IL1RAPL2: variants seen among roughly 807,000 people sequenced by gnomAD.
IL1RAPL2 encodes the protein interleukin 1 receptor accessory protein like 2, also known as X-linked interleukin-1 receptor accessory protein-like 2.
Under a neutral mutation model 44.1 loss-of-function variants are expected in IL1RAPL2, and 3 were observed. The observed-to-expected ratio is 0.07, with a 90% CI of 0.03 to 0.18. The LOEUF (loss-of-function observed/expected upper bound fraction) is 0.18, where lower values mean the gene tolerates loss of function less well. Among genes scored for constraint, IL1RAPL2 ranks in the 10% least tolerant of loss-of-function variants. The pLI is 1.00. For synonymous variants in IL1RAPL2, 181 were observed against 178.8 expected, an observed-to-expected ratio of 1.01 and a Z score of -0.10; for missense variants, 391 against 496.4, an observed-to-expected ratio of 0.79 and a Z score of 2.02.
chrX:105,638,357 A>C (rs2037540028), intron 6 of IL1RAPL2, among the ~76,000 whole-genome samples: 1 of 110,876 alleles, frequency 9.0e-6, no homozygotes, highest in South Asian at 3.8e-4. Flanking sequence ...CATGATTATT[A>C]AAGACAATTT....
At chrX:105,191,298 C>A (rs781826865) in intron 2 of IL1RAPL2, among the ~76,000 whole-genome samples, 17 of 112,622 alleles carry the variant, frequency 1.5e-4, no homozygotes, top group Non-Finnish European at 3.2e-4. Flanking sequence ...TTGCTGCAAC[C>A]TCCGCCTCCC....
At chrX:105,096,699 T>A in intron 2 of IL1RAPL2, among the ~76,000 whole-genome samples, 1 of 111,199 alleles carries the variant, frequency 9.0e-6, no homozygotes, top group Middle Eastern at 4.7e-3. Flanking sequence ...AAAGGGGAAA[T>A]GGGCTGCGAC....
At chrX:105,016,583 T>G (rs2031181662) in intron 2 of IL1RAPL2, among the ~76,000 whole-genome samples, 1 of 112,013 alleles carries the variant, frequency 8.9e-6, no homozygotes, top group African/African-American at 3.2e-5. Context: ...ATATATTTTT[T>G]GTCTTTGGTT....
chrX:104,671,196 G>C (rs554848480), intron 2 of IL1RAPL2, among the ~76,000 whole-genome samples: 3 of 109,042 alleles, frequency 2.8e-5, no homozygotes, highest in Non-Finnish European at 5.7e-5. Flanking sequence ...ACACACACAC[G>C]CACACACACA....
chrX:104,764,073 A>AT (rs930071355), intron 2 of IL1RAPL2, among the ~76,000 whole-genome samples: 15 of 109,410 alleles, frequency 1.4e-4, no homozygotes, highest in South Asian at 7.8e-4. Flanking sequence ...AAATTTTAGG[A>AT]TTTTTTTTTC....
At chrX:105,044,795 A>C (rs1360745473) in intron 2 of IL1RAPL2, among the ~76,000 whole-genome samples, 2 of 111,370 alleles carry the variant, frequency 1.8e-5, no homozygotes, top group Non-Finnish European at 3.8e-5. Flanking sequence ...GGGGAGGCTT[A>C]ACTACTCAGG....
chrX:104,787,002 G>T (rs1356236389), intron 2 of IL1RAPL2, among the ~76,000 whole-genome samples: 1 of 86,046 alleles, frequency 1.2e-5, no homozygotes, highest in Non-Finnish European at 2.2e-5. Flanking sequence ...ATGTTGGATA[G>T]GTCCTTCTCC....
intron 5 of IL1RAPL2, among the ~76,000 whole-genome samples, chrX:105,451,762 G>A (rs1251393960): frequency 1.8e-5 from 2 of 111,826 alleles, no homozygotes; most frequent in Non-Finnish European, 3.8e-5. Flanking sequence ...CATACATATT[G>A]TTTGCAGGTA....
At chrX:105,414,466 C>T (rs1250782627) in intron 5 of IL1RAPL2, among the ~76,000 whole-genome samples, 1 of 111,795 alleles carries the variant, frequency 8.9e-6, no homozygotes, top group Non-Finnish European at 1.9e-5. Context: ...AATGTCTTCC[C>T]ACTATACATG....
chrX:104,946,493 C>T (rs1227147006), intron 2 of IL1RAPL2, among the ~76,000 whole-genome samples: 1 of 97,615 alleles, frequency 1.0e-5, no homozygotes, highest in Non-Finnish European at 2.0e-5. Context: ...TATACATATG[C>T]CATGCTGGTG....
chrX:105,200,920 C>T (rs2033712111), intron 3 of IL1RAPL2, among the ~76,000 whole-genome samples: 1 of 107,647 alleles, frequency 9.3e-6, no homozygotes, highest in African/African-American at 3.6e-5. Context: ...CACACCCACA[C>T]ACACACACAC....
At chrX:104,986,238 A>G (rs1288117133) in intron 2 of IL1RAPL2, among the ~76,000 whole-genome samples, 1 of 111,944 alleles carries the variant, frequency 8.9e-6, no homozygotes, top group African/African-American at 3.2e-5. Context: ...AGGAATGGGC[A>G]TTTCTCTAGC....
intron 2 of IL1RAPL2, among the ~76,000 whole-genome samples, chrX:105,081,384 C>T (rs2032404282): frequency 9.0e-6 from 1 of 111,087 alleles, no homozygotes; most frequent in African/African-American, 3.3e-5. Context: ...TTATTTTCTT[C>T]CTACAGGAGT....
intron 2 of IL1RAPL2, among the ~76,000 whole-genome samples, chrX:104,945,639 T>G (rs1357251850): frequency 1.8e-5 from 2 of 112,113 alleles, no homozygotes; most frequent in Non-Finnish European, 3.8e-5. Flanking sequence ...AATAACTTAA[T>G]GTATGCCTTC....
chrX:105,177,275 CCTT>C (rs1299499762), intron 2 of IL1RAPL2, among the ~76,000 whole-genome samples: 1 of 110,009 alleles, frequency 9.1e-6, no homozygotes, highest in Non-Finnish European at 1.9e-5. Flanking sequence ...ATTGCATGCT[CCTT>C]ATTAGAATTT....
At chrX:104,831,516 C>G (rs1408596623) in intron 2 of IL1RAPL2, among the ~76,000 whole-genome samples, 1 of 111,670 alleles carries the variant, frequency 9.0e-6, no homozygotes, top group Non-Finnish European at 1.9e-5. Context: ...TAACATGTAG[C>G]AGGGCAGGGA....
At chrX:104,767,583 G>A (rs984381392) in intron 2 of IL1RAPL2, among the ~76,000 whole-genome samples, 33 of 111,804 alleles carry the variant, frequency 3.0e-4, no homozygotes, top group Admixed American at 9.5e-4. Context: ...TTTTAGCTAA[G>A]CTGAATGCAC....
chrX:104,808,591 A>G (rs953280434), intron 2 of IL1RAPL2, among the ~76,000 whole-genome samples: 8 of 111,692 alleles, frequency 7.2e-5, no homozygotes, highest in African/African-American at 2.6e-4. Context: ...TTAGCAAGCC[A>G]AGTCAGCCAT....
chrX:104,870,804 A>G (rs1425557990), intron 2 of IL1RAPL2, among the ~76,000 whole-genome samples: 1 of 111,792 alleles, frequency 8.9e-6, no homozygotes. Context: ...TCAGGAAAAC[A>G]TAAGTTTCTT....
Sources: gnomAD v4.1 joint callset for allele counts (sites outside exome capture counted in the v4.1 genomes callset) on GRCh38, gnomAD v4.1.1 for gene constraint, MANE v1.5 for transcripts, NCBI Gene and HGNC (gene_info 2026-07-23, HGNC 2026-07-21) for gene names.